Variants in VKORC1L1 observed in about 807,000 individuals in gnomAD.
VKORC1L1 encodes vitamin K epoxide reductase complex subunit 1-like protein 1.
Under a neutral mutation model 18.9 loss-of-function variants are expected in VKORC1L1, and 2 were observed. That is an observed-to-expected ratio of 0.11 (90% CI 0.04 to 0.33). The LOEUF is 0.33. VKORC1L1 is among the 10% of genes least tolerant of loss of function. VKORC1L1 has a pLI of 1.00. For missense variants in VKORC1L1, 123 were observed against 224.1 expected, an observed-to-expected ratio of 0.55 and a Z score of 2.88; for synonymous variants, 96 against 100.0, an observed-to-expected ratio of 0.96 and a Z score of 0.24.
intron 1 of VKORC1L1, among the ~76,000 whole-genome samples, chr7:65,880,718 T>C (rs548698634): frequency 2.0e-5 from 3 of 152,272 alleles, no homozygotes; most frequent in Admixed American, 6.5e-5. Flanking sequence ...TAGCAAACTG[T>C]GGTCATTTGA....
chr7:65,882,215 A>G (rs1311465144), intron 1 of VKORC1L1, among the ~76,000 whole-genome samples: 1 of 151,958 alleles, frequency 6.6e-6, no homozygotes, highest in Non-Finnish European at 1.5e-5. Flanking sequence ...CCCCATCTCT[A>G]CTAAAAATAC....
chr7:65,942,722 C>T (rs1157734926), intron 1 of VKORC1L1, among the ~76,000 whole-genome samples: 5 of 151,680 alleles, frequency 3.3e-5, no homozygotes, highest in Non-Finnish European at 7.4e-5. Context: ...GACGGGGTTT[C>T]GCCATGTTGG....
chr7:65,891,875 T>G (rs1789115867), intron 1 of VKORC1L1, among the ~76,000 whole-genome samples: 1 of 152,222 alleles, frequency 6.6e-6, no homozygotes, highest in Non-Finnish European at 1.5e-5. Flanking sequence ...GTAGTTGCCC[T>G]ATTGTGGTAC....
At chr7:65,924,073 A>C (rs1487711452) in intron 1 of VKORC1L1, among the ~76,000 whole-genome samples, 1 of 152,158 alleles carries the variant, frequency 6.6e-6, no homozygotes, top group Non-Finnish European at 1.5e-5. Flanking sequence ...TACCACCCTA[A>C]GGTTTTAATG....
intron 1 of VKORC1L1, among the ~76,000 whole-genome samples, chr7:65,919,412 T>C (rs1317522422): frequency 6.6e-6 from 1 of 152,256 alleles, no homozygotes; most frequent in African/African-American, 2.4e-5. Context: ...GTTCAACTTG[T>C]GTCCAAAACT....
chr7:65,884,835 A>G (rs1788986714), intron 1 of VKORC1L1, among the ~76,000 whole-genome samples: 1 of 152,192 alleles, frequency 6.6e-6, no homozygotes, highest in Non-Finnish European at 1.5e-5. Context: ...TAATGGTTTC[A>G]CATTTAAAAA....
chr7:65,896,213 C>G (rs1364975829), intron 1 of VKORC1L1, among the ~76,000 whole-genome samples: 1 of 151,820 alleles, frequency 6.6e-6, no homozygotes, highest in Admixed American at 6.6e-5. Flanking sequence ...CATTATCTCA[C>G]TTCTTTTGTT....
chr7:65,952,445 C>G (rs1790226938), intron 2 of VKORC1L1, among the ~76,000 whole-genome samples: 1 of 152,154 alleles, frequency 6.6e-6, no homozygotes, highest in Admixed American at 6.5e-5. Context: ...AATTCAGCAG[C>G]ACCTTAGTCT....
In VKORC1L1 at chr7:65,873,381, C is replaced by A. The variant is rs780166150; in HGVS notation, c.10C>A (p.Pro4Thr). 6.6e-7 allele frequency: 1 copy of A among 1,524,712 alleles called. No homozygotes were observed. The allele number at this position is 1,524,712 out of a possible 1,614,324, so 94.4% of individuals were successfully genotyped here. MAA[P>T]VLLRVSVPRW... ...CGGCGGCGGCGGGAAGATGGCGGCT[C>A]CCGTCCTGCTAAGAGTGTCGGTGCC... The change falls in exon 1 of 3, where the codon CCC becomes ACC. Residue 4 changes from proline to threonine, a missense_variant. Pro to Thr is a conservative substitution (Grantham distance 38, BLOSUM62 -1). This residue lies in a region of VKORC1L1 where 60 missense variants were observed against 76.9 expected (regional missense o/e 0.78). Coordinates refer to ENST00000360768, the MANE Select transcript of VKORC1L1 (RefSeq NM_173517.6).
chr7:65,903,660 T>C (rs975942584), intron 1 of VKORC1L1, among the ~76,000 whole-genome samples: 2 of 151,672 alleles, frequency 1.3e-5, no homozygotes, highest in African/African-American at 4.8e-5. Context: ...TGGTTCCAGC[T>C]CCTTGGGAGA....
intron 1 of VKORC1L1, among the ~76,000 whole-genome samples, chr7:65,934,322 A>G (rs1322408212): frequency 3.3e-5 from 5 of 152,226 alleles, no homozygotes; most frequent in African/African-American, 1.2e-4. Flanking sequence ...CCAATATAAT[A>G]TAGAATAATT....
the VKORC1L1 span, among the ~76,000 whole-genome samples, chr7:65,867,020 C>T: frequency 6.6e-6 from 1 of 152,040 alleles, no homozygotes; most frequent in South Asian, 2.1e-4. Context: ...AACCCCATCT[C>T]TAATAAAAAT....
chr7:65,880,227 A>C (rs1392919326), intron 1 of VKORC1L1, among the ~76,000 whole-genome samples: 4 of 152,316 alleles, frequency 2.6e-5, no homozygotes, highest in African/African-American at 7.2e-5. Context: ...GATTTTTTAA[A>C]TATGCAAACA....
intron 1 of VKORC1L1, among the ~76,000 whole-genome samples, chr7:65,945,581 C>G (rs989684462): frequency 9.2e-5 from 14 of 152,124 alleles, no homozygotes; most frequent in African/African-American, 3.4e-4. Flanking sequence ...CACTGCACTC[C>G]AGCCTGGGCG....
intron 1 of VKORC1L1, among the ~76,000 whole-genome samples, chr7:65,940,187 G>A (rs936732444): frequency 2.0e-5 from 3 of 151,934 alleles, no homozygotes; most frequent in African/African-American, 7.3e-5. Flanking sequence ...ACCACACCTA[G>A]CTAATTTTTT....
intron 1 of VKORC1L1, among the ~76,000 whole-genome samples, chr7:65,929,682 G>GTATATATATATATATATATATATATATA (rs34648135): frequency 4.7e-5 from 6 of 128,608 alleles, no homozygotes; most frequent in South Asian, 2.6e-4. Context: ...GTGTGTGTGT[G>GTATATATATATATATATATATATATATA]TATATATATA....
chr7:65,919,420 A>G (rs2115612502), intron 1 of VKORC1L1, among the ~76,000 whole-genome samples: 1 of 152,306 alleles, frequency 6.6e-6, no homozygotes, highest in East Asian at 1.9e-4. Context: ...TGTGTCCAAA[A>G]CTGAATTCCT....
rs151068327 is a variant in VKORC1L1, at chr7:65,908,935, G to A, written c.194+35370G>A. ...AAAACATCAGACATGTAAAATACAA[G>A]CTCATGTAATTTATTCAGCTGAATT... On this transcript the variant is annotated intron_variant, in intron 1 of 2. Transcript: ENST00000360768. Among the ~76,000 whole-genome samples the A allele has an allele frequency of 4.6e-5, 7 of 150,684 alleles. No homozygotes were observed. In the East Asian group the frequency reaches 1.4e-3, roughly 30 times the overall value.
In VKORC1L1 at chr7:65,916,043, G is replaced by A. The variant is rs112871795; in HGVS notation, c.195-32628G>A. On this transcript the variant is annotated intron_variant, in intron 1 of 2. Coordinates refer to ENST00000360768, the MANE Select transcript of VKORC1L1 (RefSeq NM_173517.6). ...GGAGAATCGCTTGAACCCAGGAGGC[G>A]GAGGTTGCAGTGAGCCAAGATCACG... Among the ~76,000 whole-genome samples the A allele has an allele frequency of 1.1e-4, 17 of 151,380 alleles. No homozygotes were observed. The East Asian group carries it at 2.9e-3, about 26-fold the overall frequency.
Sources: allele counts gnomAD v4.1 joint callset (sites outside exome capture counted in the v4.1 genomes callset), GRCh38; gene constraint gnomAD v4.1.1; regional missense constraint gnomAD v4.1.1; transcripts MANE v1.5; gene names NCBI Gene and HGNC (gene_info 2026-07-23, HGNC 2026-07-21).